The following SEPTIN9 variants were observed in gnomAD, a reference collection of about 807,000 sequenced individuals.
SEPTIN9 encodes septin 9.
A neutral mutation model predicts 56.6 loss-of-function variants in SEPTIN9; 13 were observed. The ratio of observed to expected loss-of-function variants is 0.23; its 90% CI spans 0.15 to 0.37. SEPTIN9 has a LOEUF of 0.37. SEPTIN9 is among the 10% of genes least tolerant of loss of function. The probability of loss-of-function intolerance (pLI) is 1.00; values close to 1 mark genes in which losing one functional copy is unlikely to be tolerated. For missense variants in SEPTIN9, 650 were observed against 823.1 expected (o/e 0.79, Z 2.57); for synonymous variants, 332 against 334.1 (o/e 0.99, Z 0.07).
chr17:77,382,268 A>G (rs937033453), intron 2 of SEPTIN9, among the ~76,000 whole-genome samples: 1 of 152,188 alleles, frequency 6.6e-6, no homozygotes, highest in African/African-American at 2.4e-5. Context: ...ACCTCAGGTG[A>G]TCCGCCCACC....
intron 2 of SEPTIN9, among the ~76,000 whole-genome samples, chr17:77,357,500 G>A (rs1052900780): frequency 7.9e-5 from 12 of 151,998 alleles, no homozygotes; most frequent in Admixed American, 4.6e-4. Context: ...TCCCTCCTTC[G>A]CCTGGCCATG....
Position 77,319,652 on chromosome 17 carries a change from A to T in SEPTIN9, c.76+12455A>T. 1 of 1,062,392 alleles carries T rather than the reference A, an allele frequency of 9.4e-7. No homozygotes were observed. Among genetic ancestry groups the T allele is most frequent in the Non-Finnish European group, 1.1e-6 (1 of 877,510 alleles). The allele number at this position is 1,062,392 out of a possible 1,614,324, so 65.8% of individuals were successfully genotyped here. A position where few individuals can be genotyped will look rare whatever the true frequency, so the allele number is the denominator to read the frequency against. ...CTCCTGCCCAGCCACGTTGGGGTAC[A>T]GGGTGAAGAAGGGCTGGGGCCAGCC... On this transcript the variant is annotated intron_variant, in intron 2 of 11. Coordinates refer to ENST00000427177, the MANE Select transcript of SEPTIN9 (RefSeq NM_001113491.2). This position sits in a 1 kb window ranked among gnomAD's most constrained non-coding sequence, Gnocchi z 5.3.
intron 1 of SEPTIN9, among the ~76,000 whole-genome samples, chr17:77,304,985 G>A (rs1046564718): frequency 6.6e-6 from 1 of 151,930 alleles, no homozygotes; most frequent in African/African-American, 2.4e-5. Context: ...CTCCCCTCCT[G>A]GTCCTGGGCA....
At chr17:77,352,241 C>CA (rs57045175) in intron 2 of SEPTIN9, among the ~76,000 whole-genome samples, 3,373 of 136,660 alleles carry the variant, frequency 0.025, 114 homozygotes, top group African/African-American at 0.081. Context: ...ACTAAAAATA[C>CA]AAAAAAAAAA....
rs73371410 is a variant in SEPTIN9, at chr17:77,314,915, G to A, written c.76+7718G>A. Among the ~76,000 whole-genome samples the A allele has an allele frequency of 1.3e-3, 203 of 152,316 alleles. 1 individual carries two copies. The highest frequency in any genetic ancestry group is 4.5e-3 in the African/African-American group (187 of 41,580). On this transcript the variant is annotated intron_variant, in intron 2 of 11. Transcript: ENST00000427177. ...GTGCTTCGTGGAAGGGGACAGAGGC[G>A]CTGGTGCCCAGGATGGTGCACCTGG...
At chr17:77,309,708 C>T (rs910367449) in intron 2 of SEPTIN9, among the ~76,000 whole-genome samples, 10 of 151,908 alleles carry the variant, frequency 6.6e-5, no homozygotes, top group South Asian at 4.2e-4. Flanking sequence ...CCATGATCAA[C>T]GCTTTGGTCA....
chr17:77,497,403 C>T, intron 11 of SEPTIN9, 37 bp downstream of exon 11: 3 of 1,600,434 alleles, frequency 1.9e-6, no homozygotes, highest in East Asian at 2.2e-5. Context: ...CTGACGGCTT[C>T]ACCCCTAAGA....
chr17:77,355,995 A>T (rs1341107852), intron 2 of SEPTIN9, among the ~76,000 whole-genome samples: 2 of 150,196 alleles, frequency 1.3e-5, no homozygotes, highest in Non-Finnish European at 3.0e-5. Flanking sequence ...AAAAAAAAAA[A>T]AATGAAGTGC....
rs867388244 is a variant in SEPTIN9 at position 77,493,031 on chromosome 17, G to T, written c.1528G>T (p.Gly510Cys). 6.4e-7 allele frequency: 1 copy of T among 1,569,768 alleles called. No individual in the cohort carries two copies. Among genetic ancestry groups the T allele is most frequent in the East Asian group, 2.4e-5 (1 of 42,160 alleles). The change falls in exon 10 of 12, where the codon GGC becomes TGC. Residue 510 changes from glycine (G) to cysteine (C), a missense_variant. Transcript: ENST00000427177. ...CAGTGACCACGAGTACCAGGTCAAC[G>T]GCAAGAGGATCCTTGGGAGGAAGAC... ...VGSDHEYQVN[G>C]KRILGRKTKW...
At chr17:77,463,294 G>A (rs942502454) in intron 3 of SEPTIN9, among the ~76,000 whole-genome samples, 1 of 152,012 alleles carries the variant, frequency 6.6e-6, no homozygotes. Context: ...TCAACTGATC[G>A]GGTGAGGCCC....
At chr17:77,497,065 C>G (rs894680800) in intron 10 of SEPTIN9, 22 of 572,584 alleles carry the variant, frequency 3.8e-5, no homozygotes, top group Non-Finnish European at 6.8e-5. Context: ...CAGGAACTTT[C>G]TGGAGAGCAG....
chr17:77,291,278 C>T (rs1433591076), intron 1 of SEPTIN9, among the ~76,000 whole-genome samples: 1 of 150,806 alleles, frequency 6.6e-6, no homozygotes, highest in Non-Finnish European at 1.5e-5. Flanking sequence ...TCGTGATCCA[C>T]CTGCCTTGGC....
intron 3 of SEPTIN9, among the ~76,000 whole-genome samples, chr17:77,420,361 T>A (rs986679638): frequency 5.3e-5 from 8 of 152,210 alleles, no homozygotes; most frequent in African/African-American, 1.9e-4. Context: ...TGTGTCTTCT[T>A]GGCTGGTGGT....
intron 2 of SEPTIN9, among the ~76,000 whole-genome samples, chr17:77,391,451 C>T (rs1488412138): frequency 2.0e-5 from 3 of 152,182 alleles, no homozygotes; most frequent in Non-Finnish European, 2.9e-5. Flanking sequence ...GCTTTCTCCC[C>T]CTGTCTGTGT....
chr17:77,398,899 G>C (rs1261239264), intron 2 of SEPTIN9, among the ~76,000 whole-genome samples: 1 of 152,170 alleles, frequency 6.6e-6, no homozygotes, highest in African/African-American at 2.4e-5. Flanking sequence ...AGGGATCATA[G>C]AGCCAGGCAG....
intron 3 of SEPTIN9, chr17:77,428,898 G>A (rs1264199037): frequency 1.4e-5 from 6 of 419,158 alleles, no homozygotes; most frequent in Admixed American, 1.3e-4. Flanking sequence ...CTCATCGTAT[G>A]TAAATTGGGG....
At chr17:77,464,239 GC>G (rs1425976403) in intron 3 of SEPTIN9, among the ~76,000 whole-genome samples, 1 of 152,018 alleles carries the variant, frequency 6.6e-6, no homozygotes, top group Non-Finnish European at 1.5e-5. Context: ...ACCACACGTG[GC>G]TAATTTTTTG....
chr17:77,288,336 G>A lies in SEPTIN9; in HGVS notation c.19+6782G>A, dbSNP rs963406066. On this transcript the variant is annotated intron_variant, in intron 1 of 11. Transcript: ENST00000427177. The stretch of plus-strand genomic sequence containing the variant: ...ACCTGGGAACCAGGGGTTGGGCCCC[G>A]GAAGCCGAGGATGTCCCTGAATGCC... The A allele has an allele frequency of 5.0e-5, 24 of 483,588 alleles. 1 individual carries two copies. The highest frequency in any genetic ancestry group is 8.9e-4 in the Middle Eastern group (1 of 1,122). The allele number at this position is 483,588 out of a possible 1,614,324, so 30.0% of individuals were successfully genotyped here.
In SEPTIN9 at chr17:77,445,591, C is replaced by G. The variant is rs1340937640; in HGVS notation, c.722-36553C>G. 1 of 376,478 alleles carries G rather than the reference C, an allele frequency of 2.7e-6. No homozygotes were observed. Among genetic ancestry groups the G allele is most frequent in the Admixed American group, 3.6e-5 (1 of 27,630 alleles). The allele number at this position is 376,478 out of a possible 1,614,324, so 23.3% of individuals were successfully genotyped here. A position where few individuals can be genotyped will look rare whatever the true frequency, so the allele number is the denominator to read the frequency against. On this transcript the variant is annotated intron_variant, in intron 3 of 11. Coordinates refer to ENST00000427177, the MANE Select transcript of SEPTIN9 (RefSeq NM_001113491.2). The surrounding 1 kb of genome is among the most constrained non-coding windows in gnomAD (Gnocchi z 4.7). The stretch of plus-strand genomic sequence containing the variant: ...AAGCTGTGAAACCACATCCCCTCCT[C>G]TCTGCTGCTGTGTTGCTGTGTGTTT...
Sources: gnomAD v4.1 joint callset for allele counts (sites outside exome capture counted in the v4.1 genomes callset) on GRCh38, gnomAD v4.1.1 for gene constraint, Gnocchi (gnomAD v3.1) non-coding constraint, MANE v1.5 for transcripts, NCBI Gene and HGNC (gene_info 2026-07-23, HGNC 2026-07-21) for gene names.